COL5A2: variants seen among roughly 807,000 people sequenced by gnomAD.
COL5A2 encodes the protein collagen type V alpha 2 chain.
Under a neutral mutation model 208.2 loss-of-function variants are expected in COL5A2, and 23 were observed. That is an observed-to-expected ratio of 0.11 (90% CI 0.08 to 0.16). The LOEUF is 0.16. Among genes scored for constraint, COL5A2 ranks in the 10% least tolerant of loss-of-function variants. COL5A2 has a pLI of 1.00. For synonymous variants in COL5A2, 625 were observed against 628.5 expected (o/e 0.99, Z 0.08); for missense variants, 1,590 against 1,956.4 (o/e 0.81, Z 3.53).
At chr2:189,075,122 T>C (rs972691891) in intron 17 of COL5A2, among the ~76,000 whole-genome samples, 4 of 152,220 alleles carry the variant, frequency 2.6e-5, no homozygotes, top group African/African-American at 9.6e-5. Context: ...CCATTTTATA[T>C]ATTAAATACT....
chr2:189,437,934 G>T, the COL5A2 span, among the ~76,000 whole-genome samples: 323 of 152,030 alleles, frequency 2.1e-3, 1 homozygote, highest in African/African-American at 7.3e-3. Flanking sequence ...ATACTAAGCA[G>T]TAAAAATGTG....
chr2:189,335,644 T>C, the COL5A2 span, among the ~76,000 whole-genome samples: 4 of 152,080 alleles, frequency 2.6e-5, no homozygotes. Context: ...CTAAATGAAA[T>C]AAGCCACCTA....
intron 1 of COL5A2, among the ~76,000 whole-genome samples, chr2:189,117,881 T>G (rs528305003): frequency 6.6e-6 from 1 of 152,302 alleles, no homozygotes; most frequent in African/African-American, 2.4e-5. Context: ...TGATATATTC[T>G]GATATCCTAG....
At chr2:189,167,688 T>TG (rs1688493611) in intron 1 of COL5A2, among the ~76,000 whole-genome samples, 2 of 149,452 alleles carry the variant, frequency 1.3e-5, no homozygotes, top group Admixed American at 1.3e-4. Context: ...TTTTTAGTCC[T>TG]GGGAGCTGCT....
intron 40 of COL5A2, among the ~76,000 whole-genome samples, 185 bp downstream of exon 40, chr2:189,052,564 G>T (rs954091974): frequency 6.6e-6 from 1 of 152,180 alleles, no homozygotes; most frequent in Admixed American, 6.5e-5. Flanking sequence ...GGGTCTCCAA[G>T]ATTACAAACT....
rs1339888089 is a variant in COL5A2 at position 189,085,848 on chromosome 2, G to C, written c.691-76C>G. The C allele has an allele frequency of 4.9e-6, 6 of 1,225,772 alleles. No individual in the cohort carries two copies. The East Asian group carries it at 1.2e-4, about 24-fold the overall frequency. 75.9% of individuals were successfully genotyped at this position (1,225,772 alleles called of 1,614,324 possible). ...AAACCCTGTACTCTGTCAATATACA[G>C]TGTAATTGTTTAGACAGTTGGCTCT... is the stretch of plus-strand genomic sequence containing the variant. On this transcript the variant is annotated intron_variant, in intron 9 of 53. Transcript: ENST00000374866.
rs1185247065 is a variant in COL5A2 at position 189,039,494 on chromosome 2, C to T, written c.3703G>A (p.Asp1235Asn). Residue 1235 changes from aspartate (D) to asparagine (N), a missense_variant, in exon 51 of 54, where the codon GAT becomes AAT. Physicochemically the swap from Asp to Asn is conservative, Grantham distance 23. Coordinates refer to ENST00000374866, the MANE Select transcript of COL5A2 (RefSeq NM_000393.5). ...PPGHLTAALG[D>N]IMGHYDESMP... ...CTTTCATCATAGTGCCCCATGATAT[C>T]CCCAAGAGCAGCTGTAAGGTGGCCA... 6.2e-7 allele frequency: 1 copy of T among 1,613,990 alleles called. No homozygotes were observed. Among genetic ancestry groups the T allele is most frequent in the East Asian group, 2.2e-5 (1 of 44,844 alleles).
chr2:189,361,755 C>T, the COL5A2 span, among the ~76,000 whole-genome samples: 1 of 152,110 alleles, frequency 6.6e-6, no homozygotes, highest in Non-Finnish European at 1.5e-5. Flanking sequence ...TGATTCTACA[C>T]TATTTATTTT....
In COL5A2 at chr2:189,054,219, A is replaced by G. The variant is rs779963770; in HGVS notation, c.2392-7T>C. ...CCAAAGGACCTGGAAGACCCTGTCAATTAACAGAACATAGGCATATTGAGG... is the reference window on the plus strand; with the variant it reads ...CCAAAGGACCTGGAAGACCCTGTCAGTTAACAGAACATAGGCATATTGAGG... On this transcript the variant is annotated splice_region_variant and splice_polypyrimidine_tract_variant and intron_variant, in intron 35 of 53. Coordinates refer to ENST00000374866, the MANE Select transcript of COL5A2 (RefSeq NM_000393.5). The G allele has an allele frequency of 6.2e-7, 1 of 1,612,612 alleles. No homozygotes were observed. Among genetic ancestry groups the G allele is most frequent in the Admixed American group, 1.7e-5 (1 of 60,010 alleles).
chr2:189,059,037 C>A (rs1047019477), intron 31 of COL5A2, 144 bp from the exon 32 acceptor site: 7 of 639,092 alleles, frequency 1.1e-5, no homozygotes, highest in South Asian at 2.0e-5. Context: ...AAGAAAAGTA[C>A]GTATATTTTT....
At position 189,078,946 on chromosome 2, in the gene COL5A2, A is replaced by G. The variant is rs921718126; in HGVS notation, c.1005+117T>C. 4.8e-6 allele frequency: 4 copies of G among 833,914 alleles called. No homozygotes were observed. In the Admixed American group the frequency reaches 6.6e-5, roughly 14 times the overall value. The allele number at this position is 833,914 out of a possible 1,614,324, so 51.7% of individuals were successfully genotyped here. On this transcript the variant is annotated intron_variant, in intron 15 of 53. Transcript: ENST00000374866. Reference sequence around the variant, plus strand: ...AGCTGGTAATCAAGATTATTTTACTAGCCAACATATGTTGTCCATTTATTT... The same window carrying G: ...AGCTGGTAATCAAGATTATTTTACTGGCCAACATATGTTGTCCATTTATTT...
upstream of COL5A2, among the ~76,000 whole-genome samples, chr2:189,227,057 T>C (rs1689430217): frequency 6.6e-6 from 1 of 152,058 alleles, no homozygotes; most frequent in African/African-American, 2.4e-5. Context: ...AAAAGACACA[T>C]CCACAGAAAA....
At chr2:189,118,762 A>G (rs1030474133) in intron 1 of COL5A2, among the ~76,000 whole-genome samples, 1 of 152,164 alleles carries the variant, frequency 6.6e-6, no homozygotes, top group Non-Finnish European at 1.5e-5. Context: ...CCTCTTGGAA[A>G]TATCTAGTGA....
the COL5A2 span, among the ~76,000 whole-genome samples, chr2:189,427,626 T>C: frequency 2.6e-5 from 4 of 152,140 alleles, no homozygotes; most frequent in African/African-American, 4.8e-5. Context: ...GCAGCCAGAG[T>C]GGGTGAACCC....
chr2:189,249,218 T>C, the COL5A2 span, among the ~76,000 whole-genome samples: 1 of 152,168 alleles, frequency 6.6e-6, no homozygotes, highest in African/African-American at 2.4e-5. Context: ...ATTGCAAGCA[T>C]AGACCAAAAT....
rs1269745758 is a variant in COL5A2 at position 189,052,213 on chromosome 2, A to C, written c.2728T>G (p.Phe910Val). Residue 910 changes from phenylalanine to valine, a missense_variant, in exon 41 of 54, where the codon TTT (phenylalanine) becomes GTT (valine). Transcript: ENST00000374866. ...CCAACTCTGCCCGCAGAACCAGGAA[A>C]TCCTGTAGCACCCTAGAACCAGAAT... Reference protein sequence around the residue: ...GTQGPPGATGFPGSAGRVGPP... With the variant: ...GTQGPPGATGVPGSAGRVGPP... 2 of 1,613,718 alleles carry C rather than the reference A, an allele frequency of 1.2e-6. No individual in the cohort carries two copies. Among genetic ancestry groups the C allele is most frequent in the African/African-American group, 1.3e-5 (1 of 74,924 alleles).
In COL5A2 at chr2:189,162,179, T is replaced by A. The variant is rs180752277; in HGVS notation, c.97+17329A>T. The stretch of plus-strand genomic sequence containing the variant: ...CCACAGCACAGACCACAAAGTATTA[T>A]CCTTGTTTTATTTGTCTCATTCCCA... On this transcript the variant is annotated intron_variant, in intron 1 of 53. Coordinates refer to ENST00000374866, the MANE Select transcript of COL5A2 (RefSeq NM_000393.5). Among the ~76,000 whole-genome samples, 15 of 152,324 alleles carry A rather than the reference T, an allele frequency of 9.8e-5. No homozygotes were observed. In the South Asian group the frequency reaches 2.9e-3, roughly 29 times the overall value.
In COL5A2 at chr2:189,068,787, G is replaced by A. The variant is rs1686208098; in HGVS notation, c.1256C>T (p.Pro419Leu). The change falls in exon 19 of 54, where the codon CCT becomes CTT. Residue 419 changes from proline to leucine, a missense_variant and splice_region_variant. Pro to Leu is a moderately conservative substitution (Grantham distance 98). Coordinates refer to ENST00000374866, the MANE Select transcript of COL5A2 (RefSeq NM_000393.5). ...PPGPVGSPGL[P>L]GAIGTDGTPG... The stretch of plus-strand genomic sequence containing the variant: ...TTCTTAAATATGCTAGAAACTTACA[G>A]GAAGACCTGGAGAGCCAACTGGACC... The A allele has an allele frequency of 6.2e-7, 1 of 1,609,724 alleles. No individual in the cohort carries two copies. Among genetic ancestry groups the A allele is most frequent in the East Asian group, 2.2e-5 (1 of 44,844 alleles).
the COL5A2 span, among the ~76,000 whole-genome samples, chr2:189,263,482 A>T: frequency 6.6e-6 from 1 of 152,116 alleles, no homozygotes; most frequent in Admixed American, 6.6e-5. Context: ...AGCTTTCCTA[A>T]CATTGTGGTA....
Sources: allele counts gnomAD v4.1 joint callset (sites outside exome capture counted in the v4.1 genomes callset), GRCh38; gene constraint gnomAD v4.1.1; transcripts MANE v1.5; gene names NCBI Gene and HGNC (gene_info 2026-07-23, HGNC 2026-07-21).